ESRRG: variants seen among roughly 807,000 people sequenced by gnomAD.
ESRRG encodes estrogen related receptor gamma.
ESRRG carries 13 observed loss-of-function variants against 44.0 expected under a neutral mutation model. That is an observed-to-expected ratio of 0.30 (90% CI 0.19 to 0.47). The LOEUF is 0.47. Among genes scored for constraint, ESRRG ranks in the 20% least tolerant of loss-of-function variants. The pLI is 1.00. For synonymous variants in ESRRG, 215 were observed against 214.6 expected, an observed-to-expected ratio of 1.00 and a Z score of -0.02; for missense variants, 395 against 580.6, an observed-to-expected ratio of 0.68 and a Z score of 3.29.
At chr1:216,978,263 C>A (rs2073331396) in intron 1 of ESRRG, among the ~76,000 whole-genome samples, 2 of 152,166 alleles carry the variant, frequency 1.3e-5, no homozygotes, top group Non-Finnish European at 2.9e-5. Context: ...CACAGCCATA[C>A]TCATTCATTT....
intron 2 of ESRRG, among the ~76,000 whole-genome samples, chr1:216,675,270 G>C (rs2075892445): frequency 6.6e-6 from 1 of 151,894 alleles, no homozygotes; most frequent in African/African-American, 2.4e-5. Flanking sequence ...TGAGGCAAGA[G>C]AATCACTTGA....
chr1:217,118,906 A>C (rs2092776376), intron 1 of ESRRG, among the ~76,000 whole-genome samples: 1 of 152,060 alleles, frequency 6.6e-6, no homozygotes, highest in South Asian at 2.1e-4. Flanking sequence ...AGGCTAGAGG[A>C]TCACTTGAGC....
chr1:216,770,690 A>T (rs999102184), intron 2 of ESRRG, among the ~76,000 whole-genome samples: 4 of 152,150 alleles, frequency 2.6e-5, no homozygotes, highest in African/African-American at 9.6e-5. Flanking sequence ...TCATCTTTTT[A>T]AAAAACCACA....
intron 1 of ESRRG, among the ~76,000 whole-genome samples, chr1:217,013,330 G>T (rs556202335): frequency 6.6e-6 from 1 of 152,278 alleles, no homozygotes; most frequent in South Asian, 2.1e-4. Flanking sequence ...ATGTCAAAGG[G>T]GTGTTTGAAG....
chr1:216,627,705 A>C (rs1295107711), intron 3 of ESRRG, among the ~76,000 whole-genome samples: 1 of 152,198 alleles, frequency 6.6e-6, no homozygotes, highest in African/African-American at 2.4e-5. Context: ...CTCCATCAAG[A>C]AATAAAAGGC....
intron 3 of ESRRG, among the ~76,000 whole-genome samples, chr1:216,611,507 T>C (rs1009867447): frequency 1.3e-5 from 2 of 152,146 alleles, no homozygotes; most frequent in African/African-American, 2.4e-5. Flanking sequence ...CAGACACACA[T>C]AGGAAATTCA....
chr1:217,121,640 T>C (rs927403672), intron 1 of ESRRG, among the ~76,000 whole-genome samples: 5 of 152,184 alleles, frequency 3.3e-5, no homozygotes, highest in African/African-American at 1.2e-4. Context: ...CACACCACCC[T>C]GTTCTCTGGA....
At chr1:217,094,738 G>T (rs142821959) in intron 1 of ESRRG, among the ~76,000 whole-genome samples, 1 of 152,332 alleles carries the variant, frequency 6.6e-6, no homozygotes, top group Non-Finnish European at 1.5e-5. Context: ...GATTTCACAA[G>T]GTCCTGTAGC....
intron 1 of ESRRG, among the ~76,000 whole-genome samples, chr1:217,109,396 G>A (rs1364989182): frequency 6.6e-6 from 1 of 152,054 alleles, no homozygotes; most frequent in African/African-American, 2.4e-5. Context: ...GATCCAGAAA[G>A]CATCTTTAGC....
chr1:217,094,091 TC>T (rs2092390625), upstream of ESRRG, among the ~76,000 whole-genome samples: 1 of 151,896 alleles, frequency 6.6e-6, no homozygotes, highest in Non-Finnish European at 1.5e-5. Flanking sequence ...CGCTATGTTG[TC>T]CAGGCTGGTC....
Position 217,051,224 on chromosome 1 carries a change from G to C in ESRRG, c.-106+38283C>G, listed in dbSNP as rs561960140. The stretch of plus-strand genomic sequence containing the variant: ...GGGGGCGGGGGGGGGGGGTGCCAGG[G>C]GAATTGTAAGACTGGGTCATTCTTG... On this transcript the variant is annotated intron_variant, in intron 1 of 7. Coordinates refer to the ESRRG transcript ENST00000359162. Among the ~76,000 whole-genome samples, 257 of 141,420 alleles carry C rather than the reference G, an allele frequency of 1.8e-3. 4 individuals carry two copies. Among genetic ancestry groups the C allele is most frequent in the African/African-American group, 6.6e-3 (245 of 37,210 alleles). The allele number at this position is 141,420 out of a possible 152,430, so 92.8% of individuals were successfully genotyped here.
chr1:216,513,696 T>G (rs1400627788), intron 6 of ESRRG, among the ~76,000 whole-genome samples: 4 of 152,184 alleles, frequency 2.6e-5, no homozygotes, highest in African/African-American at 9.7e-5. Flanking sequence ...ATTGTTATGT[T>G]TACCTTGCAT....
intron 2 of ESRRG, among the ~76,000 whole-genome samples, chr1:216,934,117 G>C (rs2063751597): frequency 1.3e-5 from 2 of 152,102 alleles, no homozygotes; most frequent in Non-Finnish European, 2.9e-5. Context: ...TTGTGTATTA[G>C]TCTGTTCTCA....
intron 2 of ESRRG, chr1:216,863,502 C>G (rs2096089352): frequency 1.3e-5 from 2 of 152,026 alleles, no homozygotes; most frequent in African/African-American, 4.8e-5. Flanking sequence ...TAGAGACAGT[C>G]AATATCCTCT....
At chr1:216,522,252 CTCCTT>C (rs2046320878) in intron 5 of ESRRG, among the ~76,000 whole-genome samples, 1 of 124,160 alleles carries the variant, frequency 8.1e-6, no homozygotes, top group Non-Finnish European at 1.6e-5. Flanking sequence ...AGAAACAGCT[CTCCTT>C]TTTTTTTTTT....
At chr1:216,794,437 T>TC (rs919993534) in intron 2 of ESRRG, among the ~76,000 whole-genome samples, 4 of 152,140 alleles carry the variant, frequency 2.6e-5, no homozygotes, top group African/African-American at 9.7e-5. Flanking sequence ...TCATAGTATA[T>TC]CCATCCCTCC....
intron 2 of ESRRG, among the ~76,000 whole-genome samples, chr1:216,857,927 A>T (rs1254258194): frequency 6.6e-6 from 1 of 152,166 alleles, no homozygotes; most frequent in Non-Finnish European, 1.5e-5. Context: ...GTATAAGGAG[A>T]AATAAAATAA....
chr1:216,798,060 C>A (rs1322017730), intron 2 of ESRRG, among the ~76,000 whole-genome samples: 2 of 152,196 alleles, frequency 1.3e-5, no homozygotes, highest in East Asian at 3.9e-4. Context: ...TAATGCAAAA[C>A]CCTGATTCTT....
At chr1:216,781,357 T>C (rs1207236225) in intron 2 of ESRRG, among the ~76,000 whole-genome samples, 1 of 152,058 alleles carries the variant, frequency 6.6e-6, no homozygotes, top group Admixed American at 6.6e-5. Context: ...TATTTAGTTT[T>C]TTCTTTTTAA....
Sources: allele counts gnomAD v4.1 joint callset (sites outside exome capture counted in the v4.1 genomes callset), GRCh38; gene constraint gnomAD v4.1.1; transcripts MANE v1.5; gene names NCBI Gene and HGNC (gene_info 2026-07-23, HGNC 2026-07-21).